WDR25: variants seen among roughly 807,000 people sequenced by gnomAD.
WDR25 encodes WD repeat domain 25.
A neutral mutation model predicts 47.7 loss-of-function variants in WDR25; 35 were observed. That is an observed-to-expected ratio of 0.73 (90% CI 0.56 to 0.97). WDR25 has a LOEUF of 0.97. Ranked by LOEUF, WDR25 falls within the 50% of genes least tolerant of loss-of-function variation. WDR25 has a pLI of 0.00. For synonymous variants in WDR25, 248 were observed against 278.9 expected (o/e 0.89, Z 1.10); for missense variants, 634 against 704.7 (o/e 0.90, Z 1.14).
chr14:100,426,635 C>T (rs1215620166), intron 2 of WDR25, among the ~76,000 whole-genome samples: 1 of 152,220 alleles, frequency 6.6e-6, no homozygotes, highest in African/African-American at 2.4e-5. Flanking sequence ...CTGAGCCCCA[C>T]AGCTATCCTA....
chr14:100,401,171 G>A (rs1317358499), intron 2 of WDR25, among the ~76,000 whole-genome samples: 3 of 152,064 alleles, frequency 2.0e-5, no homozygotes, highest in Admixed American at 6.5e-5. Flanking sequence ...GGGGCGCGTC[G>A]GCGGCTGCTC....
At chr14:100,429,178 G>C (rs926781590) in intron 2 of WDR25, among the ~76,000 whole-genome samples, 4 of 152,212 alleles carry the variant, frequency 2.6e-5, no homozygotes, top group Admixed American at 6.5e-5. Flanking sequence ...GAGTGACCCT[G>C]TGCTCCACTG....
intron 2 of WDR25, chr14:100,454,941 A>G (rs1042174610): frequency 6.4e-6 from 1 of 157,398 alleles, no homozygotes; most frequent in Admixed American, 6.2e-5. Flanking sequence ...TTAAATCAAT[A>G]TTCTTCAGAG....
chr14:100,391,949 C>A (rs1209254853), intron 2 of WDR25, among the ~76,000 whole-genome samples: 9 of 152,180 alleles, frequency 5.9e-5, no homozygotes, highest in African/African-American at 1.9e-4. Context: ...ACAGACGCAG[C>A]TTTGAGAACC....
At position 100,430,705 on chromosome 14, in the gene WDR25, T is replaced by C. The variant is rs551633596; in HGVS notation, c.823-37316T>C. The stretch of plus-strand genomic sequence containing the variant: ...CCCAGTGAGGGAGGCTGCATCTCGA[T>C]AGGCTGTGGGGAAGGGATGGTGGAG... On this transcript the variant is annotated intron_variant, in intron 2 of 6. Coordinates refer to ENST00000402312, the MANE Select transcript of WDR25 (RefSeq NM_001161476.3). The surrounding 1 kb of genome is among the most constrained non-coding windows in gnomAD (Gnocchi z 4.7). Among the ~76,000 whole-genome samples, 22 of 152,260 alleles carry C rather than the reference T, an allele frequency of 1.4e-4. No individual in the cohort carries two copies. The highest frequency in any genetic ancestry group is 5.1e-4 in the African/African-American group (21 of 41,560).
chr14:100,389,251 G>A (rs1014460450), intron 2 of WDR25, among the ~76,000 whole-genome samples: 3 of 152,164 alleles, frequency 2.0e-5, no homozygotes, highest in East Asian at 1.9e-4. Context: ...TGCAAGCAGC[G>A]TTTCCTTCTA....
At position 100,516,663 on chromosome 14, in the gene WDR25, CT is replaced by C. The variant is rs201767646; in HGVS notation, c.1102-9206del. 9.2e-3 allele frequency among the ~76,000 whole-genome samples: 1,400 copies of C among 152,126 alleles called. 12 individuals are homozygous for C. The highest frequency in any genetic ancestry group is 0.041 in the Middle Eastern group (12 of 294). ...TTCCTTGTTCTGAAGTCTACTTTGC[CT>C]GCTATTAATATGGTCACTTCAGCCC... On this transcript the variant is annotated intron_variant, in intron 4 of 6. Coordinates refer to ENST00000402312, the MANE Select transcript of WDR25 (RefSeq NM_001161476.3).
chr14:100,422,774 G>A (rs1394435605), intron 2 of WDR25, among the ~76,000 whole-genome samples: 2 of 152,196 alleles, frequency 1.3e-5, no homozygotes, highest in Non-Finnish European at 2.9e-5. Context: ...TGTGAAATAG[G>A]ATCTTATTGT....
chr14:100,521,853 C>T (rs1435309424), intron 4 of WDR25, among the ~76,000 whole-genome samples: 2 of 152,174 alleles, frequency 1.3e-5, no homozygotes, highest in African/African-American at 4.8e-5. Flanking sequence ...TAAATCCTTT[C>T]TGCACAGGGC....
At chr14:100,416,094 G>A (rs1372959664) in intron 2 of WDR25, among the ~76,000 whole-genome samples, 1 of 152,218 alleles carries the variant, frequency 6.6e-6, no homozygotes, top group Non-Finnish European at 1.5e-5. Context: ...CACAGAGCAC[G>A]TGTCATTCAG....
At chr14:100,481,570 T>C (rs914579309) in intron 3 of WDR25, among the ~76,000 whole-genome samples, 10 of 152,100 alleles carry the variant, frequency 6.6e-5, no homozygotes, top group Admixed American at 1.3e-4. Context: ...ATTCCATACA[T>C]GGGGGGTTAG....
chr14:100,379,889 G>C lies in WDR25; in HGVS notation c.-15-1021G>C, dbSNP rs1201840930. On this transcript the variant is annotated intron_variant, in intron 1 of 6. Transcript: ENST00000402312. The stretch of plus-strand genomic sequence containing the variant: ...CCCGAGTAGCTGGGACTACAGGTGC[G>C]TGCCACCACGCCTGGCTAATTTTTG... 4.0e-5 allele frequency among the ~76,000 whole-genome samples: 6 copies of C among 151,358 alleles called. No individual in the cohort carries two copies. The South Asian group carries it at 6.3e-4, about 16-fold the overall frequency.
rs1234587565 is a variant in WDR25, at chr14:100,428,393, G to A, written c.823-39628G>A. On this transcript the variant is annotated intron_variant, in intron 2 of 6. Coordinates refer to ENST00000402312, the MANE Select transcript of WDR25 (RefSeq NM_001161476.3). The surrounding 1 kb of genome is among the most constrained non-coding windows in gnomAD (Gnocchi z 4.3). ...CATGGCGTCTGGAGTCAGGCGGCCT[G>A]GCTACGGGTCTTGGGTCTGCCACTC... is the stretch of plus-strand genomic sequence containing the variant. Among the ~76,000 whole-genome samples the A allele has an allele frequency of 6.6e-6, 1 of 152,202 alleles. No homozygotes were observed. Among genetic ancestry groups the A allele is most frequent in the Non-Finnish European group, 1.5e-5 (1 of 68,042 alleles).
chr14:100,525,057 G>A lies in WDR25; in HGVS notation c.1102-813G>A, dbSNP rs2030048904. On this transcript the variant is annotated intron_variant, in intron 4 of 6. Coordinates refer to ENST00000402312, the MANE Select transcript of WDR25 (RefSeq NM_001161476.3). The surrounding 1 kb of genome is among the most constrained non-coding windows in gnomAD (Gnocchi z 4.6). ...CCAGGAACTGGTAAAGGGACCGGCC[G>A]GCCCCTGCGACCAACTTGAGACCTT... Among the ~76,000 whole-genome samples the A allele has an allele frequency of 6.6e-6, 1 of 152,190 alleles. No individual in the cohort carries two copies. The highest frequency in any genetic ancestry group is 2.4e-5 in the African/African-American group (1 of 41,438).
chr14:100,444,596 G>A (rs184003259), intron 2 of WDR25, among the ~76,000 whole-genome samples: 1 of 152,180 alleles, frequency 6.6e-6, no homozygotes, highest in Admixed American at 6.5e-5. Flanking sequence ...GGCAGATGAA[G>A]TGCCTCTGAT....
chr14:100,389,763 C>T (rs1413166972), intron 2 of WDR25, among the ~76,000 whole-genome samples: 3 of 152,346 alleles, frequency 2.0e-5, no homozygotes, highest in African/African-American at 4.8e-5. Flanking sequence ...ACAACCAAAG[C>T]GGCCCTAGAA....
intron 4 of WDR25, among the ~76,000 whole-genome samples, chr14:100,508,727 G>T (rs954036123): frequency 6.6e-6 from 1 of 152,148 alleles, no homozygotes; most frequent in African/African-American, 2.4e-5. Context: ...CATTAAGTAT[G>T]ATGTTAGATG....
rs768581542 is a variant in WDR25, at chr14:100,529,843, C to T, written c.1437C>T (p.Cys479=). 16 of 1,612,390 alleles carry T rather than the reference C, an allele frequency of 9.9e-6. No individual in the cohort carries two copies. Among genetic ancestry groups the T allele is most frequent in the East Asian group, 8.9e-5 (4 of 44,894 alleles). The change falls in exon 7 of 7, where the codon TGC becomes TGT. Residue 479 remains cysteine (C), a synonymous_variant. Transcript: ENST00000402312. The surrounding 1 kb of genome is among the most constrained non-coding windows in gnomAD (Gnocchi z 5.1). ...AGGTGGAGGGCTACTCAGTGGGCTG[C>T]GAGTGCTCCCCAGGCGGTGACTTGC... The part of the protein sequence containing the change: ...GHKVEGYSVG[C]ECSPGGDLLV...
At chr14:100,445,953 T>C (rs1898818654) in intron 2 of WDR25, among the ~76,000 whole-genome samples, 1 of 152,050 alleles carries the variant, frequency 6.6e-6, no homozygotes, top group Non-Finnish European at 1.5e-5. Context: ...GCCATACCAG[T>C]GTTGAGGTAA....
Sources: allele counts gnomAD v4.1 joint callset (sites outside exome capture counted in the v4.1 genomes callset), GRCh38; gene constraint gnomAD v4.1.1; non-coding constraint Gnocchi (gnomAD v3.1); transcripts MANE v1.5; gene names NCBI Gene and HGNC (gene_info 2026-07-23, HGNC 2026-07-21).